The following NCKAP1 variants were observed in gnomAD, a reference collection of about 807,000 sequenced individuals.
NCKAP1 encodes the protein NCK associated protein 1.
NCKAP1 carries 21 observed loss-of-function variants against 151.2 expected under a neutral mutation model. The ratio of observed to expected loss-of-function variants is 0.14; its 90% CI spans 0.10 to 0.20. NCKAP1 has a LOEUF of 0.20. NCKAP1 is among the 10% of genes least tolerant of loss of function. The pLI is 1.00. For synonymous variants in NCKAP1, 484 were observed against 451.8 expected (o/e 1.07, Z -0.90); for missense variants, 933 against 1,352.1 (o/e 0.69, Z 4.86).
In NCKAP1 at chr2:182,912,598, C is replaced by T. The variant is rs144814959; in HGVS notation, c.*13104G>A. 1.3e-5 allele frequency: 2 copies of T among 152,320 alleles called. No homozygotes were observed. Among genetic ancestry groups the T allele is most frequent in the Non-Finnish European group, 2.9e-5 (2 of 68,028 alleles). The allele number at this position is 152,320 out of a possible 1,614,324, so 9.4% of individuals were successfully genotyped here. ...CTCAATGATCTATTATAAGTTAATA[C>T]ACTTTTTCCCCATTCTGTGGAGTTC... On this transcript the variant is annotated 3_prime_UTR_variant, in exon 31 of 31. Transcript: ENST00000361354.
chr2:183,004,953 C>A (rs533371318), intron 2 of NCKAP1, among the ~76,000 whole-genome samples: 4 of 151,096 alleles, frequency 2.6e-5, no homozygotes, highest in African/African-American at 9.7e-5. Context: ...AAATACCAGA[C>A]AAATTAAGAT....
rs537773552 is a variant in NCKAP1 at position 183,037,984 on chromosome 2, G to A, written c.108+8C>T. On this transcript the variant is annotated splice_region_variant and intron_variant, in intron 1 of 30. Transcript: ENST00000361354. The stretch of plus-strand genomic sequence containing the variant: ...GCCTCCGCCGCGGCCTCCCCGGCCC[G>A]TGCGCACCTTCTTGATGTTGTAGAG... The A allele has an allele frequency of 3.2e-6, 5 of 1,574,090 alleles. No individual in the cohort carries two copies. The highest frequency in any genetic ancestry group is 2.4e-5 in the East Asian group (1 of 41,400).
At chr2:182,967,382 A>G (rs1559085889) in intron 15 of NCKAP1, 21 bp from the exon 16 acceptor site, 2 of 1,580,032 alleles carry the variant, frequency 1.3e-6, no homozygotes, top group Non-Finnish European at 1.7e-6. Context: ...CAAAAAAAAA[A>G]AAGTAGTTCA....
rs539271245 is a variant in NCKAP1, at chr2:183,028,630, T to C, written c.109-4714A>G. On this transcript the variant is annotated intron_variant, in intron 1 of 30. Coordinates refer to ENST00000361354, the MANE Select transcript of NCKAP1 (RefSeq NM_013436.5). ...TTACCTAACCCATAAATTGAGGATA[T>C]TATTACTACCTACTGCATAGGGTAC... Among the ~76,000 whole-genome samples the C allele has an allele frequency of 2.0e-4, 31 of 152,286 alleles. 1 individual carries two copies. The highest frequency in any genetic ancestry group is 7.2e-4 in the African/African-American group (30 of 41,548).
chr2:182,964,833 C>T (rs995838489), intron 16 of NCKAP1, 25 bp from the exon 17 acceptor site: 1 of 1,553,754 alleles, frequency 6.4e-7, no homozygotes, highest in Non-Finnish European at 8.7e-7. Context: ...ATCAGAATCA[C>T]AATTTTTACA....
At chr2:182,976,994 T>C (rs1431088117) in intron 14 of NCKAP1, 43 bp from the exon 15 acceptor site, 1 of 1,324,948 alleles carries the variant, frequency 7.5e-7, no homozygotes, top group South Asian at 1.4e-5. Context: ...AGCAAATTAA[T>C]GTTTTCACAA....
chr2:182,987,889 G>A (rs1012900903), intron 9 of NCKAP1, among the ~76,000 whole-genome samples: 7 of 152,104 alleles, frequency 4.6e-5, no homozygotes, highest in Non-Finnish European at 8.8e-5. Flanking sequence ...AGTGGGGGGG[G>A]AGTGGGGACT....
intron 23 of NCKAP1, among the ~76,000 whole-genome samples, chr2:182,949,990 G>A (rs975629221): frequency 2.6e-5 from 4 of 152,142 alleles, no homozygotes; most frequent in African/African-American, 4.8e-5. Context: ...TGAATGAAGA[G>A]AATAAAAAGT....
At chr2:183,004,620 A>G (rs1264701143) in intron 2 of NCKAP1, among the ~76,000 whole-genome samples, 1 of 152,094 alleles carries the variant, frequency 6.6e-6, no homozygotes, top group Non-Finnish European at 1.5e-5. Context: ...ATTCACACTC[A>G]AGCCTGTAAT....
intron 2 of NCKAP1, among the ~76,000 whole-genome samples, chr2:183,010,541 G>T (rs937809512): frequency 1.3e-5 from 2 of 152,208 alleles, no homozygotes; most frequent in African/African-American, 4.8e-5. Context: ...CTGTTATGCA[G>T]CAATAGGTAA....
intron 16 of NCKAP1, among the ~76,000 whole-genome samples, chr2:182,966,475 TG>T (rs1283297295): frequency 6.6e-6 from 1 of 152,034 alleles, no homozygotes; most frequent in Non-Finnish European, 1.5e-5. Flanking sequence ...TCAGTAGAGA[TG>T]GGGTTTCACT....
rs1017928055 is a variant in NCKAP1, at chr2:182,916,178, A to AC, written c.*9523_*9524insG. The AC allele has an allele frequency of 6.6e-6, 1 of 151,198 alleles. No individual in the cohort carries two copies. Among genetic ancestry groups the AC allele is most frequent in the Non-Finnish European group, 1.5e-5 (1 of 67,854 alleles). 9.4% of individuals were successfully genotyped at this position (151,198 alleles called of 1,614,324 possible). A position where few individuals can be genotyped will look rare whatever the true frequency, so the allele number is the denominator to read the frequency against. On this transcript the variant is annotated 3_prime_UTR_variant, in exon 31 of 31. Transcript: ENST00000361354. ...CCCCTTCGCCTTCTGTCAAAAAAAA[A>AC]AAAAAAAAAAAAACATGTCTCTGTG...
At chr2:182,980,131 C>G (rs1165947188) in intron 13 of NCKAP1, among the ~76,000 whole-genome samples, 1 of 152,056 alleles carries the variant, frequency 6.6e-6, no homozygotes, top group Non-Finnish European at 1.5e-5. Flanking sequence ...TCTGGCTTAT[C>G]TGTTAAGTAA....
At chr2:182,941,990 T>C (rs981444935) in intron 24 of NCKAP1, 80 bp downstream of exon 24, 1 of 1,113,064 alleles carries the variant, frequency 9.0e-7, no homozygotes, top group Non-Finnish European at 1.3e-6. Flanking sequence ...CTTGTATTTA[T>C]GTTACAAATT....
rs1194833919 is a variant in NCKAP1 at position 182,953,316 on chromosome 2, C to A, written c.2169G>T (p.Met723Ile). Reference sequence around the variant, plus strand: ...CCTGTGTGGCTTGATTATACATAGTCATCCCAACAATTGACCTGGGAAGAA... The same window carrying A: ...CCTGTGTGGCTTGATTATACATAGTAATCCCAACAATTGACCTGGGAAGAA... ...EIRFTKSIVGMTMYNQATQEI... is the reference protein window; with the variant it reads ...EIRFTKSIVGITMYNQATQEI... Residue 723 changes from methionine to isoleucine, a missense_variant, in exon 21 of 31, where the codon ATG becomes ATT. Coordinates refer to ENST00000361354, the MANE Select transcript of NCKAP1 (RefSeq NM_013436.5). The A allele has an allele frequency of 6.2e-7, 1 of 1,611,340 alleles. No individual in the cohort carries two copies. The highest frequency in any genetic ancestry group is 1.1e-5 in the South Asian group (1 of 90,718).
intron 13 of NCKAP1, 105 bp downstream of exon 13, chr2:182,981,139 A>G: frequency 1.5e-6 from 2 of 1,368,250 alleles, no homozygotes. Flanking sequence ...ATGATTTATC[A>G]CTTGGCACAT....
chr2:183,009,524 T>C (rs543570775), intron 2 of NCKAP1, among the ~76,000 whole-genome samples: 1 of 152,124 alleles, frequency 6.6e-6, no homozygotes, highest in East Asian at 1.9e-4. Context: ...ATCCTAACAC[T>C]AGCCTAGTAA....
intron 3 of NCKAP1, 73 bp from the exon 4 acceptor site, chr2:183,003,103 G>A: frequency 7.2e-7 from 1 of 1,381,232 alleles, no homozygotes; most frequent in Non-Finnish European, 1.0e-6. Context: ...AAACAAATAA[G>A]GTATGTGTTA....
intron 24 of NCKAP1, among the ~76,000 whole-genome samples, chr2:182,935,766 C>G (rs991606659): frequency 3.3e-5 from 5 of 151,996 alleles, no homozygotes; most frequent in African/African-American, 1.2e-4. Flanking sequence ...AGAAGCTGAT[C>G]AGAGTGAACA....
Sources: allele counts gnomAD v4.1 joint callset (sites outside exome capture counted in the v4.1 genomes callset), GRCh38; gene constraint gnomAD v4.1.1; transcripts MANE v1.5; gene names NCBI Gene and HGNC (gene_info 2026-07-23, HGNC 2026-07-21).